The following PPP2R5E variants were observed in gnomAD, a reference collection of about 807,000 sequenced individuals.
PPP2R5E encodes protein phosphatase 2 regulatory subunit B'epsilon.
PPP2R5E carries 4 observed loss-of-function variants against 65.3 expected under a neutral mutation model. That is an observed-to-expected ratio of 0.06 (90% CI 0.03 to 0.14). The LOEUF (loss-of-function observed/expected upper bound fraction) is 0.14. Among genes scored for constraint, PPP2R5E ranks in the 10% least tolerant of loss-of-function variants. The pLI, the probability that PPP2R5E is intolerant of heterozygous loss-of-function variation, is 1.00. For missense variants in PPP2R5E, 274 were observed against 556.1 expected, an observed-to-expected ratio of 0.49 and a Z score of 5.10; for synonymous variants, 183 against 187.4, an observed-to-expected ratio of 0.98 and a Z score of 0.19.
intron 2 of PPP2R5E, among the ~76,000 whole-genome samples, chr14:63,460,024 G>GT (rs1289169862): frequency 1.3e-5 from 2 of 152,112 alleles, no homozygotes; most frequent in Non-Finnish European, 2.9e-5. Context: ...TAGCATACAC[G>GT]TTTTTTAAAG....
At chr14:63,468,347 A>G (rs560065005) in intron 2 of PPP2R5E, among the ~76,000 whole-genome samples, 1 of 152,312 alleles carries the variant, frequency 6.6e-6, no homozygotes, top group South Asian at 2.1e-4. Flanking sequence ...AGCATATTTG[A>G]AGAAAATAAT....
intron 2 of PPP2R5E, among the ~76,000 whole-genome samples, chr14:63,504,923 T>C (rs1892085775): frequency 6.6e-6 from 1 of 152,256 alleles, no homozygotes; most frequent in African/African-American, 2.4e-5. Flanking sequence ...AAATATGTCT[T>C]GCATGACTTA....
At chr14:63,523,784 A>AAGT (rs2139737136) in intron 2 of PPP2R5E, among the ~76,000 whole-genome samples, 1 of 152,302 alleles carries the variant, frequency 6.6e-6, no homozygotes, top group African/African-American at 2.4e-5. Context: ...TAAAGATCAA[A>AAGT]AGTAGCCTTC....
intron 2 of PPP2R5E, among the ~76,000 whole-genome samples, chr14:63,521,094 A>G (rs955998638): frequency 6.6e-6 from 1 of 152,174 alleles, no homozygotes; most frequent in African/African-American, 2.4e-5. Flanking sequence ...AAATCTTGCC[A>G]TAATTCAAGA....
At position 63,376,108 on chromosome 14, in the gene PPP2R5E, A is replaced by C. The variant is rs1300821722; in HGVS notation, c.1305T>G (p.Arg435=). 14 of 1,578,684 alleles carry C rather than the reference A, an allele frequency of 8.9e-6. No homozygotes were observed. The highest frequency in any genetic ancestry group is 1.2e-5 in the Non-Finnish European group (14 of 1,148,536). Reference sequence around the variant, plus strand: ...CACGCTCCTTTTCTTTCTTTTTCTCACTGAGGAAGAAACAGAATACAATGT... The same window carrying C: ...CACGCTCCTTTTCTTTCTTTTTCTCCCTGAGGAAGAAACAGAATACAATGT... ...LTATYKSDRQ[R]EKKKEKEREE... The change falls in exon 14 of 14, where the codon CGT becomes CGG. Residue 435 remains arginine (R), a splice_region_variant and synonymous_variant. Transcript: ENST00000337537.
chr14:63,527,710 C>T (rs1284936400), intron 2 of PPP2R5E, among the ~76,000 whole-genome samples: 1 of 151,982 alleles, frequency 6.6e-6, no homozygotes, highest in Non-Finnish European at 1.5e-5. Context: ...CCAAGGCGGG[C>T]GAATCACACG....
At chr14:63,538,272 TTC>T (rs1181493937) in intron 2 of PPP2R5E, among the ~76,000 whole-genome samples, 1 of 151,354 alleles carries the variant, frequency 6.6e-6, no homozygotes, top group African/African-American at 2.4e-5. Flanking sequence ...TTTTTTTTTT[TTC>T]CCCCGAGACA....
chr14:63,393,976 A>T, intron 7 of PPP2R5E, 48 bp from the exon 8 acceptor site: 1 of 1,069,710 alleles, frequency 9.3e-7, no homozygotes, highest in Non-Finnish European at 1.4e-6. Flanking sequence ...CACAAGTTGA[A>T]CTGAGACAAA....
At chr14:63,380,038 C>T (rs61994996) in intron 13 of PPP2R5E, among the ~76,000 whole-genome samples, 22,050 of 150,746 alleles carry the variant, frequency 0.15, 2,263 homozygotes, top group East Asian at 0.49. Flanking sequence ...TTTCACCATT[C>T]GGCCAGGATG....
intron 2 of PPP2R5E, among the ~76,000 whole-genome samples, chr14:63,508,420 T>C (rs1272936909): frequency 6.6e-6 from 1 of 152,222 alleles, no homozygotes; most frequent in Non-Finnish European, 1.5e-5. Context: ...TCTGGTATCA[T>C]TTTCCTGAAT....
At chr14:63,504,309 C>T (rs1325370852) in intron 2 of PPP2R5E, among the ~76,000 whole-genome samples, 3 of 152,088 alleles carry the variant, frequency 2.0e-5, no homozygotes, top group South Asian at 2.1e-4. Context: ...TGGCCAGGCA[C>T]GGTGGCTCAC....
chr14:63,437,312 G>A (rs1887994111), intron 3 of PPP2R5E, among the ~76,000 whole-genome samples: 1 of 152,056 alleles, frequency 6.6e-6, no homozygotes, highest in Non-Finnish European at 1.5e-5. Flanking sequence ...TTATGCCTAT[G>A]GACTAGCCCT....
intron 4 of PPP2R5E, among the ~76,000 whole-genome samples, chr14:63,417,654 G>A (rs1457161118): frequency 2.0e-5 from 3 of 152,180 alleles, no homozygotes; most frequent in East Asian, 3.8e-4. Flanking sequence ...GGGTCAAAAT[G>A]TAATAAAATT....
intron 2 of PPP2R5E, among the ~76,000 whole-genome samples, chr14:63,469,080 C>G (rs2139548408): frequency 6.6e-6 from 1 of 152,268 alleles, no homozygotes; most frequent in African/African-American, 2.4e-5. Flanking sequence ...CTTAATCATT[C>G]ATTCATTCAT....
At chr14:63,484,099 A>C (rs1890853857) in intron 2 of PPP2R5E, among the ~76,000 whole-genome samples, 1 of 151,570 alleles carries the variant, frequency 6.6e-6, no homozygotes, top group Non-Finnish European at 1.5e-5. Context: ...AAAAACTCCC[A>C]AGGAGTTAGA....
intron 1 of PPP2R5E, among the ~76,000 whole-genome samples, chr14:63,541,353 C>G (rs192871911): frequency 3.3e-5 from 5 of 152,306 alleles, no homozygotes; most frequent in Non-Finnish European, 5.9e-5. Context: ...GTTGAGTTCC[C>G]TTGAGGTTTA....
At chr14:63,417,785 C>T (rs1886782530) in intron 4 of PPP2R5E, among the ~76,000 whole-genome samples, 1 of 152,122 alleles carries the variant, frequency 6.6e-6, no homozygotes, top group Non-Finnish European at 1.5e-5. Context: ...CCTTGATTCT[C>T]GTTAAGGTAG....
At chr14:63,541,951 T>C (rs186627684) in intron 1 of PPP2R5E, among the ~76,000 whole-genome samples, 34 of 152,296 alleles carry the variant, frequency 2.2e-4, no homozygotes, top group African/African-American at 8.2e-4. Flanking sequence ...AATGACTGCA[T>C]CAGCCAAAAG....
intron 2 of PPP2R5E, among the ~76,000 whole-genome samples, chr14:63,528,885 G>C (rs1265518878): frequency 6.6e-6 from 1 of 152,104 alleles, no homozygotes; most frequent in Non-Finnish European, 1.5e-5. Context: ...CTAGAGATAA[G>C]AAAAACAAGA....
Sources: gnomAD v4.1 joint callset for allele counts (sites outside exome capture counted in the v4.1 genomes callset) on GRCh38, gnomAD v4.1.1 for gene constraint, MANE v1.5 for transcripts, NCBI Gene and HGNC (gene_info 2026-07-23, HGNC 2026-07-21) for gene names.